Variants in SLC25A21 observed in about 807,000 individuals in gnomAD.
SLC25A21 encodes solute carrier family 25 member 21.
In SLC25A21, 47 loss-of-function variants were observed where a neutral mutation model predicts 43.8. The ratio of observed to expected loss-of-function variants is 1.07; its 90% CI spans 0.85 to 1.37. SLC25A21 has a LOEUF of 1.37. Ranked by LOEUF, SLC25A21 falls within the 40% of genes most tolerant of loss-of-function variation. The probability of loss-of-function intolerance (pLI) is 0.00; values close to 1 mark genes in which losing one functional copy is unlikely to be tolerated. For missense variants in SLC25A21, 352 were observed against 350.2 expected, an observed-to-expected ratio of 1.00 and a Z score of -0.04; for synonymous variants, 131 against 121.3, an observed-to-expected ratio of 1.08 and a Z score of -0.52.
At chr14:37,063,400 T>C (rs1268482692) in intron 1 of SLC25A21, among the ~76,000 whole-genome samples, 2 of 152,036 alleles carry the variant, frequency 1.3e-5, no homozygotes, top group Non-Finnish European at 2.9e-5. Flanking sequence ...TTCGGGAGGC[T>C]GAGGCAGGAA....
intron 2 of SLC25A21, among the ~76,000 whole-genome samples, chr14:36,849,577 T>A (rs1394539383): frequency 6.6e-6 from 1 of 152,192 alleles, no homozygotes; most frequent in Non-Finnish European, 1.5e-5. Context: ...TTCGATTCAA[T>A]GAAATACAAA....
chr14:36,915,580 G>A (rs546763640), intron 1 of SLC25A21, among the ~76,000 whole-genome samples: 30 of 152,144 alleles, frequency 2.0e-4, no homozygotes, highest in African/African-American at 4.6e-4. Context: ...CTATCCCTCC[G>A]AAGTGAAAGG....
intron 2 of SLC25A21, among the ~76,000 whole-genome samples, chr14:36,841,680 G>C (rs1435167782): frequency 6.6e-6 from 1 of 152,050 alleles, no homozygotes; most frequent in Non-Finnish European, 1.5e-5. Context: ...TGCCACTTCC[G>C]CCTATGCATA....
chr14:36,876,993 T>C (rs964643566), intron 1 of SLC25A21, among the ~76,000 whole-genome samples: 35 of 151,872 alleles, frequency 2.3e-4, no homozygotes, highest in African/African-American at 8.2e-4. Context: ...TTAAGCTTTA[T>C]TATATTAGTT....
intron 1 of SLC25A21, among the ~76,000 whole-genome samples, chr14:37,071,050 AAGG>A (rs1219596777): frequency 4.5e-5 from 5 of 109,956 alleles, no homozygotes; most frequent in Non-Finnish European, 8.5e-5. Context: ...GCAAAAGGGA[AAGG>A]AGAAGACACT....
intron 1 of SLC25A21, among the ~76,000 whole-genome samples, chr14:36,987,356 A>G (rs61989482): frequency 6.6e-6 from 1 of 152,188 alleles, no homozygotes; most frequent in African/African-American, 2.4e-5. Flanking sequence ...AATTTTTTTC[A>G]TAAGTACATT....
intron 1 of SLC25A21, among the ~76,000 whole-genome samples, chr14:37,106,400 G>A (rs543026941): frequency 5.9e-5 from 9 of 152,206 alleles, no homozygotes; most frequent in Non-Finnish European, 8.8e-5. Flanking sequence ...GCTGCTCTGG[G>A]AGTGTCTGTC....
At chr14:36,831,496 T>C (rs548766315) in intron 2 of SLC25A21, among the ~76,000 whole-genome samples, 2 of 152,320 alleles carry the variant, frequency 1.3e-5, no homozygotes, top group East Asian at 1.9e-4. Context: ...TATATAGCTG[T>C]ACCCAGATAT....
chr14:36,993,637 A>G (rs1186235708), intron 1 of SLC25A21, among the ~76,000 whole-genome samples: 5 of 152,182 alleles, frequency 3.3e-5, no homozygotes, highest in Non-Finnish European at 7.3e-5. Context: ...AACACAAGGG[A>G]CAAACTGAGT....
At chr14:36,988,281 GC>G (rs1960189465) in intron 1 of SLC25A21, among the ~76,000 whole-genome samples, 1 of 152,102 alleles carries the variant, frequency 6.6e-6, no homozygotes, top group Non-Finnish European at 1.5e-5. Context: ...ATTTTTCCTT[GC>G]CCCTGGTTAG....
rs1959475934 is a variant in SLC25A21, at chr14:36,960,956, C to T, written c.71-85952G>A. Among the ~76,000 whole-genome samples, 4 of 152,290 alleles carry T rather than the reference C, an allele frequency of 2.6e-5. No homozygotes were observed. In the South Asian group the frequency reaches 8.3e-4, roughly 32 times the overall value. On this transcript the variant is annotated intron_variant, in intron 1 of 9. Transcript: ENST00000331299. ...ATGACCTAATTGCTCATATGGAATT[C>T]AACAGCAGTCATGCTGTCCCCACTG...
intron 1 of SLC25A21, among the ~76,000 whole-genome samples, chr14:36,969,486 CA>C (rs1362623069): frequency 2.0e-5 from 3 of 151,894 alleles, no homozygotes; most frequent in Non-Finnish European, 4.4e-5. Context: ...ACTCGGTTTT[CA>C]AAAAACAAAA....
intron 3 of SLC25A21, among the ~76,000 whole-genome samples, chr14:36,811,279 G>A (rs1888253799): frequency 6.6e-6 from 1 of 152,148 alleles, no homozygotes. Context: ...ATAGATGAAT[G>A]AGTGGAACAG....
intron 7 of SLC25A21, among the ~76,000 whole-genome samples, chr14:36,703,669 T>C (rs1883376743): frequency 6.6e-6 from 1 of 152,254 alleles, no homozygotes; most frequent in Non-Finnish European, 1.5e-5. Flanking sequence ...TAGACAGCTG[T>C]TTCCACTATT....
intron 1 of SLC25A21, among the ~76,000 whole-genome samples, chr14:36,972,093 A>T (rs1221331990): frequency 6.6e-6 from 1 of 152,160 alleles, no homozygotes; most frequent in Non-Finnish European, 1.5e-5. Context: ...TACCTTTTCT[A>T]GGTTTAGATA....
chr14:36,815,457 T>C (rs1016087168), intron 2 of SLC25A21, among the ~76,000 whole-genome samples: 1 of 152,186 alleles, frequency 6.6e-6, no homozygotes, highest in Non-Finnish European at 1.5e-5. Context: ...TGAGGTTGTA[T>C]TACTCTACAG....
chr14:37,067,223 T>A (rs1301880083), intron 1 of SLC25A21, among the ~76,000 whole-genome samples: 2 of 152,090 alleles, frequency 1.3e-5, no homozygotes, highest in African/African-American at 4.8e-5. Context: ...GAATTTTGAA[T>A]AGGCAAATAA....
At chr14:36,772,595 T>C (rs17105287) in intron 3 of SLC25A21, among the ~76,000 whole-genome samples, 6,803 of 152,256 alleles carry the variant, frequency 0.045, 506 homozygotes, top group African/African-American at 0.15. Context: ...GAGAGGGATG[T>C]TGGGCGGCTG....
At chr14:36,844,249 G>GT (rs1284279039) in intron 2 of SLC25A21, among the ~76,000 whole-genome samples, 2 of 152,164 alleles carry the variant, frequency 1.3e-5, no homozygotes, top group Non-Finnish European at 2.9e-5. Context: ...TTGTCACACT[G>GT]TAAGAACACA....
Sources: allele counts gnomAD v4.1 joint callset (sites outside exome capture counted in the v4.1 genomes callset), GRCh38; gene constraint gnomAD v4.1.1; transcripts MANE v1.5; gene names NCBI Gene and HGNC (gene_info 2026-07-23, HGNC 2026-07-21).